Variants in KRT5 observed in about 807,000 individuals in gnomAD.
KRT5 encodes the protein keratin 5.
In KRT5, 17 loss-of-function variants were observed where a neutral mutation model predicts 44.0. The observed-to-expected ratio is 0.39, with a 90% confidence interval of 0.26 to 0.58. The LOEUF is 0.58. Among genes scored for constraint, KRT5 ranks in the 20% least tolerant of loss-of-function variants. KRT5 has a pLI of 0.61. For missense variants in KRT5, 737 were observed against 785.5 expected (o/e 0.94, Z 0.74); for synonymous variants, 329 against 312.8 (o/e 1.05, Z -0.55).
chr12:52,520,260 C>G lies in KRT5; in HGVS notation c.37G>C (p.Gly13Arg). 1 of 1,613,824 alleles carries G rather than the reference C, an allele frequency of 6.2e-7. No individual in the cohort carries two copies. The highest frequency in any genetic ancestry group is 8.5e-7 in the Non-Finnish European group (1 of 1,180,038). ...RQSSVSFRSG[G>R]SRSFSTASAI... ...GAGGCGGTGCTGAAGCTACGACTGC[C>G]CCCGCTCCGGAAGGACACACTTGAC... The change falls in exon 1 of 9, where the codon GGC becomes CGC. Residue 13 changes from glycine (G) to arginine (R), a missense_variant. Transcript: ENST00000252242.
At chr12:52,519,249 C>T in intron 1 of KRT5, 89 bp from the exon 2 acceptor site, 2 of 1,554,344 alleles carry the variant, frequency 1.3e-6, no homozygotes, top group Non-Finnish European at 1.8e-6. Context: ...TCTTTCCGTC[C>T]CTCTAAAGCT....
rs553709136 is a variant in KRT5, at chr12:52,515,341, C to T, written c.1475-101G>A. 9.2e-6 allele frequency: 14 copies of T among 1,517,800 alleles called. No homozygotes were observed. In the African/African-American group the frequency reaches 9.6e-5, roughly 10 times the overall value. The allele number at this position is 1,517,800 out of a possible 1,614,324, so 94.0% of individuals were successfully genotyped here. A position where few individuals can be genotyped will look rare whatever the true frequency, so the allele number is the denominator to read the frequency against. On this transcript the variant is annotated intron_variant, in intron 8 of 8. Transcript: ENST00000252242. ...TGGTGTTGGAGCACTCTACTGGACC[C>T]CCTTTACAGAGTAGCAAACAAGGCC...
In KRT5 at chr12:52,519,572, C is replaced by T; in HGVS notation, c.555+170G>A. On this transcript the variant is annotated intron_variant, in intron 1 of 8. Coordinates refer to ENST00000252242, the MANE Select transcript of KRT5 (RefSeq NM_000424.4). ...AGAAATAATTCTCCCTTCCCAGCTG[C>T]CAGTCTAATTCAGAACGTGTCCACA... The T allele has an allele frequency of 3.9e-6, 3 of 769,914 alleles. No individual in the cohort carries two copies. In the South Asian group the frequency reaches 4.6e-5, roughly 12 times the overall value. 47.7% of individuals were successfully genotyped at this position (769,914 alleles called of 1,614,324 possible).
At position 52,520,120 on chromosome 12, in the gene KRT5, G is replaced by A. The variant is rs1938691330; in HGVS notation, c.177C>T (p.Gly59=). ...GGTTGTAGAGGCTCCGGCTGCCATAGCCACCCACTCCACAAGCACCCGCAA... is the reference window on the plus strand; with the variant it reads ...GGTTGTAGAGGCTCCGGCTGCCATAACCACCCACTCCACAAGCACCCGCAA... ...VSLAGACGVG[G]YGSRSLYNLG... Residue 59 remains glycine, a synonymous_variant, in exon 1 of 9, where the codon GGC becomes GGT. Transcript: ENST00000252242. 1 of 1,613,926 alleles carries A rather than the reference G, an allele frequency of 6.2e-7. No homozygotes were observed. The highest frequency in any genetic ancestry group is 1.7e-5 in the Admixed American group (1 of 60,002).
chr12:52,517,511 A>C, intron 5 of KRT5, 79 bp downstream of exon 5: 1 of 1,493,130 alleles, frequency 6.7e-7, no homozygotes, highest in Non-Finnish European at 9.3e-7. Context: ...CAGGAGCCCC[A>C]TTCTTAGTGT....
chr12:52,516,139 A>C (rs1358997684), intron 7 of KRT5: 8 of 511,090 alleles, frequency 1.6e-5, no homozygotes, highest in Non-Finnish European at 2.5e-5. Context: ...TGTAGGAGTT[A>C]CATTCTGTGA....
Position 52,516,650 on chromosome 12 carries a change from C to T in KRT5, c.1426G>A (p.Gly476Ser), listed in dbSNP as rs1302350258. 6.2e-7 allele frequency: 1 copy of T among 1,614,144 alleles called. No homozygotes were observed. The highest frequency in any genetic ancestry group is 8.5e-7 in the Non-Finnish European group (1 of 1,180,022). The change falls in exon 7 of 9, where the codon GGC becomes AGC. Residue 476 changes from glycine (G) to serine (S), a missense_variant. By Grantham distance (56) the Gly-to-Ser change is moderately conservative (BLOSUM62 0). Around this residue, in one of 5 missense-constraint regions of KRT5, gnomAD observed 344 missense variants for 351.6 expected, o/e 0.98. Coordinates refer to ENST00000252242, the MANE Select transcript of KRT5 (RefSeq NM_000424.4). ...CTGTCTACTCACCTGCATTCCTCGCCCTCCAGCAGCTTGCGGTAAGTGGCG... is the reference window on the plus strand; with the variant it reads ...CTGTCTACTCACCTGCATTCCTCGCTCTCCAGCAGCTTGCGGTAAGTGGCG... ...EIATYRKLLEGEECRLSGEGV... is the reference protein window; with the variant it reads ...EIATYRKLLESEECRLSGEGV...
intron 8 of KRT5, 27 bp from the exon 9 acceptor site, chr12:52,515,267 T>A: frequency 6.2e-7 from 1 of 1,602,612 alleles, no homozygotes; most frequent in Non-Finnish European, 8.5e-7. Context: ...GAGGACTCAG[T>A]GAGACCATCT....
rs74671930 is a variant in KRT5, at chr12:52,516,971, G to A, written c.1219-114C>T. The stretch of plus-strand genomic sequence containing the variant: ...AATCCCAGAGAGAAACCAGTACATC[G>A]TGGGTGGCAGGACACTGAAACACTG... On this transcript the variant is annotated intron_variant, in intron 6 of 8. Transcript: ENST00000252242. 0.011 allele frequency: 16,637 copies of A among 1,498,292 alleles called. 843 individuals are homozygous for A. In the African/African-American group the frequency reaches 0.14, roughly 13 times the overall value. 92.8% of individuals were successfully genotyped at this position (1,498,292 alleles called of 1,614,324 possible).
At chr12:52,519,585 G>T in intron 1 of KRT5, 157 bp downstream of exon 1, 1 of 847,450 alleles carries the variant, frequency 1.2e-6, no homozygotes, top group Non-Finnish European at 2.0e-6. Context: ...GTCTAATTCA[G>T]AACGTGTCCA....
At chr12:52,517,333 T>C in intron 5 of KRT5, 101 bp from the exon 6 acceptor site, 1 of 1,447,114 alleles carries the variant, frequency 6.9e-7, no homozygotes, top group Non-Finnish European at 9.6e-7. Context: ...GCAAATAGTG[T>C]GGGGCTGGTT....
At chr12:52,518,623 C>A (rs1938657146) in intron 2 of KRT5, 1 of 564,362 alleles carries the variant, frequency 1.8e-6, no homozygotes, top group Non-Finnish European at 3.2e-6. Context: ...ACAAATCTAT[C>A]CAAAGGCCCA....
At chr12:52,515,713 G>T in intron 8 of KRT5, 85 bp downstream of exon 8, 8 of 1,103,090 alleles carry the variant, frequency 7.3e-6, no homozygotes, top group Non-Finnish European at 1.1e-5. Flanking sequence ...GGAAAAGTTT[G>T]GATCTAGAAA....
rs1938686018 is a variant in KRT5 at position 52,519,968 on chromosome 12, C to T, written c.329G>A (p.Gly110Glu). The T allele has an allele frequency of 6.2e-7, 1 of 1,612,708 alleles. No homozygotes were observed. The highest frequency in any genetic ancestry group is 1.3e-5 in the African/African-American group (1 of 74,824). Residue 110 changes from glycine (G) to glutamate (E), a missense_variant, in exon 1 of 9, where the codon GGA becomes GAA. By Grantham distance (98) the Gly-to-Glu change is moderately conservative. This residue lies in a region of KRT5 where 326 missense variants were observed against 333.1 expected (regional missense o/e 0.98). Coordinates refer to ENST00000252242, the MANE Select transcript of KRT5 (RefSeq NM_000424.4). ...GAGSGFGFGG[G>E]AGGGFGLGGG... ...ACCGAGCCCAAAGCCACCACCAGCT[C>T]CACCGCCGAAACCAAATCCACTACC...
In KRT5 at chr12:52,519,268, C is replaced by T. The variant is rs1215685849; in HGVS notation, c.556-108G>A. ...TCCGTCCCTCTAAAGCTTTTCTGTG[C>T]ACTGTGCCTGGCCCTGGGCCCCAGG... On this transcript the variant is annotated intron_variant, in intron 1 of 8. Coordinates refer to ENST00000252242, the MANE Select transcript of KRT5 (RefSeq NM_000424.4). The T allele has an allele frequency of 2.6e-6, 4 of 1,513,190 alleles. No homozygotes were observed. In the Admixed American group the frequency reaches 5.8e-5, roughly 22 times the overall value. 93.7% of individuals were successfully genotyped at this position (1,513,190 alleles called of 1,614,324 possible). A position where few individuals can be genotyped will look rare whatever the true frequency, so the allele number is the denominator to read the frequency against.
In KRT5 at chr12:52,514,859, C is replaced by T. The variant is rs1938577864; in HGVS notation, c.*83G>A. 1 of 1,219,136 alleles carries T rather than the reference C, an allele frequency of 8.2e-7. No homozygotes were observed. The highest frequency in any genetic ancestry group is 1.2e-6 in the Non-Finnish European group (1 of 830,038). The allele number at this position is 1,219,136 out of a possible 1,614,324, so 75.5% of individuals were successfully genotyped here. A position where few individuals can be genotyped will look rare whatever the true frequency, so the allele number is the denominator to read the frequency against. ...GACTACTCTCCAGAAAAGGATAAAA[C>T]ATGGCTTGAGCAACTGCCTAGAAGA... On this transcript the variant is annotated 3_prime_UTR_variant, in exon 9 of 9. Coordinates refer to ENST00000252242, the MANE Select transcript of KRT5 (RefSeq NM_000424.4).
chr12:52,518,816 A>G, intron 2 of KRT5, 130 bp downstream of exon 2: 1 of 1,093,934 alleles, frequency 9.1e-7, no homozygotes, highest in Non-Finnish European at 1.4e-6. Context: ...TTGTTTTAGT[A>G]CTGGAGGTGT....
At chr12:52,517,394 A>G (rs776457620) in intron 5 of KRT5, among the ~76,000 whole-genome samples, 162 bp from the exon 6 acceptor site, 13 of 152,210 alleles carry the variant, frequency 8.5e-5, no homozygotes, top group Non-Finnish European at 1.6e-4. Flanking sequence ...TCCTGGAGAC[A>G]CTGGTGTGAG....
intron 4 of KRT5, 38 bp from the exon 5 acceptor site, chr12:52,517,792 T>C: frequency 6.2e-7 from 1 of 1,613,560 alleles, no homozygotes; most frequent in Non-Finnish European, 8.5e-7. Flanking sequence ...TGGTTCTGTG[T>C]TGTGTTATTT....
Sources: gnomAD v4.1 joint callset for allele counts (sites outside exome capture counted in the v4.1 genomes callset) on GRCh38, gnomAD v4.1.1 for gene constraint, gnomAD v4.1.1 regional missense constraint, MANE v1.5 for transcripts, NCBI Gene and HGNC (gene_info 2026-07-23, HGNC 2026-07-21) for gene names.